Variants in HSD17B12 observed in about 807,000 individuals in gnomAD.
HSD17B12 encodes the protein very-long-chain 3-oxoacyl-CoA reductase.
HSD17B12 carries 32 observed loss-of-function variants against 39.3 expected under a neutral mutation model. That is an observed-to-expected ratio of 0.81 (90% confidence interval 0.61 to 1.09). The LOEUF is 1.09. HSD17B12 is among the 50% of genes least tolerant of loss of function. The pLI, the probability that HSD17B12 is intolerant of heterozygous loss-of-function variation, is 0.00. For synonymous variants in HSD17B12, 150 were observed against 146.7 expected (o/e 1.02, Z -0.16); for missense variants, 342 against 382.9 (o/e 0.89, Z 0.89).
chr11:43,722,131 T>G (rs1181709976), intron 1 of HSD17B12, among the ~76,000 whole-genome samples: 20 of 152,156 alleles, frequency 1.3e-4, no homozygotes, highest in Admixed American at 1.3e-3. Context: ...AATAAATGGG[T>G]GGTCCCATGG....
the HSD17B12 span, among the ~76,000 whole-genome samples, chr11:43,623,361 A>G: frequency 1.3e-5 from 2 of 151,834 alleles, no homozygotes; most frequent in Admixed American, 1.3e-4. Flanking sequence ...CATTTGAAAG[A>G]ATGATAAGCA....
At chr11:43,775,653 A>G (rs1381575305) in intron 3 of HSD17B12, among the ~76,000 whole-genome samples, 2 of 151,798 alleles carry the variant, frequency 1.3e-5, no homozygotes, top group Non-Finnish European at 1.5e-5. Flanking sequence ...ACATGTGCAC[A>G]ATGTGCAAGT....
chr11:43,564,869 C>T, the HSD17B12 span, among the ~76,000 whole-genome samples: 1 of 150,820 alleles, frequency 6.6e-6, no homozygotes. Context: ...GATTAGAGGA[C>T]AGGCAGAACG....
the HSD17B12 span, among the ~76,000 whole-genome samples, chr11:43,592,119 T>A: frequency 6.6e-6 from 1 of 152,120 alleles, no homozygotes; most frequent in African/African-American, 2.4e-5. Flanking sequence ...TAGGTTGATT[T>A]CATCTCAAAT....
At chr11:43,782,420 C>G (rs1425935384) in intron 3 of HSD17B12, among the ~76,000 whole-genome samples, 1 of 152,122 alleles carries the variant, frequency 6.6e-6, no homozygotes, top group Non-Finnish European at 1.5e-5. Context: ...GTGGCTCACT[C>G]CTGTAATCCC....
In HSD17B12 at chr11:43,701,355, C is replaced by T. The variant is rs139322461; in HGVS notation, c.160+20368C>T. On this transcript the variant is annotated intron_variant, in intron 1 of 10. Transcript: ENST00000278353. Reference sequence around the variant, plus strand: ...TTAAGTTGATGTGATCCCATTTGTCCATTTTTGCTTTAGTTGCCTGTGCTT... The same window carrying T: ...TTAAGTTGATGTGATCCCATTTGTCTATTTTTGCTTTAGTTGCCTGTGCTT... 7.3e-3 allele frequency among the ~76,000 whole-genome samples: 1,110 copies of T among 152,112 alleles called. 8 individuals carry two copies. The highest frequency in any genetic ancestry group is 9.3e-3 in the Non-Finnish European group (635 of 67,978).
At chr11:43,615,443 ACT>A in the HSD17B12 span, among the ~76,000 whole-genome samples, 1 of 151,914 alleles carries the variant, frequency 6.6e-6, no homozygotes, top group Non-Finnish European at 1.5e-5. Context: ...TATTTCTGGA[ACT>A]CTCTCTCTGC....
chr11:43,580,509 G>A, the HSD17B12 span, among the ~76,000 whole-genome samples: 1 of 152,138 alleles, frequency 6.6e-6, no homozygotes, highest in South Asian at 2.1e-4. Flanking sequence ...AGAACTTTGG[G>A]TGGGAAAGGG....
intron 4 of HSD17B12, among the ~76,000 whole-genome samples, chr11:43,808,551 G>A (rs1389030124): frequency 6.6e-6 from 1 of 152,148 alleles, no homozygotes; most frequent in Admixed American, 6.6e-5. Flanking sequence ...CATGAAATTG[G>A]TGAATGTTCT....
chr11:43,659,431 A>G, the HSD17B12 span, among the ~76,000 whole-genome samples: 1 of 152,166 alleles, frequency 6.6e-6, no homozygotes, highest in African/African-American at 2.4e-5. Flanking sequence ...CCCCAGTGAG[A>G]TGAAACCGGT....
the HSD17B12 span, among the ~76,000 whole-genome samples, chr11:43,607,211 C>G: frequency 7.3e-5 from 11 of 151,556 alleles, no homozygotes; most frequent in African/African-American, 2.4e-4. Context: ...TTGACTATGA[C>G]AGGGATCATG....
intron 1 of HSD17B12, among the ~76,000 whole-genome samples, chr11:43,696,045 T>A (rs1051757649): frequency 1.4e-4 from 21 of 152,184 alleles, no homozygotes; most frequent in Non-Finnish European, 2.2e-4. Context: ...CCTCTATGTG[T>A]CCATGTTCTC....
At chr11:43,675,630 G>C in the HSD17B12 span, among the ~76,000 whole-genome samples, 1 of 151,626 alleles carries the variant, frequency 6.6e-6, no homozygotes, top group Non-Finnish European at 1.5e-5. Flanking sequence ...AAACCCTCTA[G>C]TTGCTACATG....
intron 2 of HSD17B12, among the ~76,000 whole-genome samples, chr11:43,752,942 A>G (rs115795346): frequency 5.2e-4 from 79 of 152,268 alleles, no homozygotes; most frequent in African/African-American, 1.6e-3. Flanking sequence ...TTCATTTGCA[A>G]TATCACTCAC....
At chr11:43,739,843 G>A (rs1950348589) in intron 1 of HSD17B12, among the ~76,000 whole-genome samples, 1 of 152,208 alleles carries the variant, frequency 6.6e-6, no homozygotes, top group East Asian at 1.9e-4. Context: ...TTGAGTGGAA[G>A]GAGGAAAGTG....
At chr11:43,796,246 T>C (rs1950915159) in intron 3 of HSD17B12, among the ~76,000 whole-genome samples, 1 of 152,016 alleles carries the variant, frequency 6.6e-6, no homozygotes. Flanking sequence ...GTGGGTATCA[T>C]GGTCTGACCT....
chr11:43,689,703 C>A (rs1431996658), intron 1 of HSD17B12, among the ~76,000 whole-genome samples: 1 of 152,014 alleles, frequency 6.6e-6, no homozygotes, highest in Non-Finnish European at 1.5e-5. Context: ...AGTGCCACCA[C>A]ACCCTGATAA....
chr11:43,702,356 C>T (rs955294502), intron 1 of HSD17B12, among the ~76,000 whole-genome samples: 1 of 152,138 alleles, frequency 6.6e-6, no homozygotes, highest in African/African-American at 2.4e-5. Context: ...CTAGGACTTC[C>T]AGTACTATGT....
At chr11:43,667,479 T>C in the HSD17B12 span, among the ~76,000 whole-genome samples, 1 of 152,206 alleles carries the variant, frequency 6.6e-6, no homozygotes, top group African/African-American at 2.4e-5. Context: ...TATTGCTCCT[T>C]GCAACTAACT....
Sources: gnomAD v4.1 joint callset for allele counts (sites outside exome capture counted in the v4.1 genomes callset) on GRCh38, gnomAD v4.1.1 for gene constraint, MANE v1.5 for transcripts, NCBI Gene and HGNC (gene_info 2026-07-23, HGNC 2026-07-21) for gene names.